TSHZ2: variants seen among roughly 807,000 people sequenced by gnomAD.
The protein encoded by TSHZ2 is teashirt zinc finger homeobox 2.
In TSHZ2, 21 loss-of-function variants were observed where a neutral mutation model predicts 74.4. The observed-to-expected ratio is 0.28, with a 90% CI of 0.20 to 0.41. The LOEUF (loss-of-function observed/expected upper bound fraction) is 0.41. Ranked by LOEUF, TSHZ2 falls within the 10% of genes least tolerant of loss-of-function variation. TSHZ2 has a pLI of 1.00. For synonymous variants in TSHZ2, 540 were observed against 515.3 expected (o/e 1.05, Z -0.65); for missense variants, 1,244 against 1,293.5 (o/e 0.96, Z 0.59).
In TSHZ2 at chr20:53,056,091, G is replaced by A. The variant is rs561332748; in HGVS notation, c.40+82758G>A. Among the ~76,000 whole-genome samples the A allele has an allele frequency of 2.0e-5, 3 of 152,302 alleles. No individual in the cohort carries two copies. In the South Asian group the frequency reaches 6.2e-4, roughly 32 times the overall value. On this transcript the variant is annotated intron_variant, in intron 1 of 2. Coordinates refer to ENST00000371497, the MANE Select transcript of TSHZ2 (RefSeq NM_173485.6). ...TTTCTGAATTCTACTCTTAGAATCT[G>A]AGCTCCTCAAGAGTTATTTTATCTA...
At chr20:53,180,086 A>G (rs370917324) in intron 1 of TSHZ2, among the ~76,000 whole-genome samples, 7 of 152,258 alleles carry the variant, frequency 4.6e-5, no homozygotes, top group African/African-American at 1.7e-4. Context: ...GAGGAGGTTC[A>G]TGTGGCATTG....
intron 2 of TSHZ2, among the ~76,000 whole-genome samples, chr20:53,404,031 G>A (rs765487216): frequency 3.9e-5 from 6 of 152,186 alleles, no homozygotes; most frequent in Non-Finnish European, 8.8e-5. Flanking sequence ...AAGATGTTGA[G>A]AGAAATGGAT....
intron 1 of TSHZ2, among the ~76,000 whole-genome samples, chr20:53,181,282 T>A (rs1192561900): frequency 6.6e-6 from 1 of 152,180 alleles, no homozygotes; most frequent in East Asian, 1.9e-4. Context: ...GACAATAGAC[T>A]CCGCAGGGAA....
chr20:53,043,367 C>T (rs1600662366), intron 1 of TSHZ2, among the ~76,000 whole-genome samples: 1 of 152,082 alleles, frequency 6.6e-6, no homozygotes, highest in Non-Finnish European at 1.5e-5. Context: ...GTGGGGTTTG[C>T]TACTGGCATC....
intron 1 of TSHZ2, among the ~76,000 whole-genome samples, chr20:53,099,607 T>A (rs1203825084): frequency 1.3e-5 from 2 of 152,204 alleles, no homozygotes; most frequent in Non-Finnish European, 2.9e-5. Flanking sequence ...TTTAATGGAC[T>A]CATAGTTCCA....
chr20:53,300,132 C>T (rs1452984505), intron 2 of TSHZ2, among the ~76,000 whole-genome samples: 1 of 152,176 alleles, frequency 6.6e-6, no homozygotes, highest in Non-Finnish European at 1.5e-5. Context: ...GTGCAGCCCC[C>T]AGCAAACCCT....
At chr20:53,476,176 T>A (rs1387338834) in intron 2 of TSHZ2, among the ~76,000 whole-genome samples, 4 of 146,926 alleles carry the variant, frequency 2.7e-5, no homozygotes, top group African/African-American at 7.7e-5. Context: ...AGCATCATTC[T>A]GATACCAAAG....
chr20:53,108,117 G>C (rs1986431568), intron 1 of TSHZ2, among the ~76,000 whole-genome samples: 1 of 152,218 alleles, frequency 6.6e-6, no homozygotes, highest in Non-Finnish European at 1.5e-5. Flanking sequence ...TTCTGGTGAT[G>C]AGACCTGAGA....
chr20:53,421,608 G>GAATGGC (rs954180929), intron 2 of TSHZ2: 2 of 202,724 alleles, frequency 9.9e-6, no homozygotes, highest in Non-Finnish European at 2.1e-5. Context: ...TTTGGGCCAG[G>GAATGGC]AATGGCAAGA....
chr20:53,011,165 G>A (rs1982836833), intron 1 of TSHZ2, among the ~76,000 whole-genome samples: 1 of 152,152 alleles, frequency 6.6e-6, no homozygotes, highest in African/African-American at 2.4e-5. Context: ...AAAGTCCTCA[G>A]ATGAGTTAAT....
chr20:53,148,042 GTGT>G (rs1987587155), intron 1 of TSHZ2, among the ~76,000 whole-genome samples: 2 of 152,292 alleles, frequency 1.3e-5, no homozygotes, highest in South Asian at 2.1e-4. Flanking sequence ...AACAAGATTT[GTGT>G]TGTTGTTACA....
chr20:53,463,970 C>T (rs78494769), intron 2 of TSHZ2, among the ~76,000 whole-genome samples: 1,634 of 152,296 alleles, frequency 0.011, 16 homozygotes, highest in African/African-American at 0.013. Flanking sequence ...CCATTATTAC[C>T]GCCATCATTG....
At chr20:53,394,874 A>AG (rs1223178090) in intron 2 of TSHZ2, among the ~76,000 whole-genome samples, 13 of 150,056 alleles carry the variant, frequency 8.7e-5, no homozygotes, top group African/African-American at 2.9e-4. Flanking sequence ...AAAAAAAAAA[A>AG]AAAAAAAAAA....
intron 1 of TSHZ2, among the ~76,000 whole-genome samples, chr20:53,159,704 A>G (rs1034938406): frequency 2.0e-5 from 3 of 150,736 alleles, no homozygotes; most frequent in Non-Finnish European, 4.4e-5. Context: ...TAAGTTTTCT[A>G]TTGTTCAAAA....
At chr20:53,097,184 C>T (rs1600687915) in intron 1 of TSHZ2, among the ~76,000 whole-genome samples, 1 of 152,122 alleles carries the variant, frequency 6.6e-6, no homozygotes, top group Non-Finnish European at 1.5e-5. Context: ...AGGGTGGGAA[C>T]AAAACTGCCT....
At chr20:53,241,195 A>G (rs1990061376) in intron 1 of TSHZ2, among the ~76,000 whole-genome samples, 1 of 152,198 alleles carries the variant, frequency 6.6e-6, no homozygotes, top group Admixed American at 6.5e-5. Context: ...GTTTTCCATT[A>G]GATTCTCCAA....
chr20:53,152,888 G>T lies in TSHZ2; in HGVS notation c.41-100611G>T, dbSNP rs116791604. Among the ~76,000 whole-genome samples, 778 of 152,264 alleles carry T rather than the reference G, an allele frequency of 5.1e-3. 7 individuals are homozygous for T. Among genetic ancestry groups the T allele is most frequent in the African/African-American group, 0.018 (738 of 41,544 alleles). ...ATAACATGGTGTGATGCTACCAGGG[G>T]CTTTGAGGACCCAGAGAAGAATTGC... is the stretch of plus-strand genomic sequence containing the variant. On this transcript the variant is annotated intron_variant, in intron 1 of 2. Transcript: ENST00000371497.
At chr20:53,175,254 C>T (rs1269978410) in intron 1 of TSHZ2, among the ~76,000 whole-genome samples, 1 of 150,680 alleles carries the variant, frequency 6.6e-6, no homozygotes, top group Non-Finnish European at 1.5e-5. Flanking sequence ...CAATTGCCTG[C>T]CTCAGCCTCC....
intron 2 of TSHZ2, among the ~76,000 whole-genome samples, chr20:53,428,112 G>T (rs978186895): frequency 3.3e-5 from 5 of 152,182 alleles, no homozygotes; most frequent in Admixed American, 1.3e-4. Context: ...CTGATTCCAG[G>T]AATGAGAAGT....
Sources: gnomAD v4.1 joint callset for allele counts (sites outside exome capture counted in the v4.1 genomes callset) on GRCh38, gnomAD v4.1.1 for gene constraint, MANE v1.5 for transcripts, NCBI Gene and HGNC (gene_info 2026-07-23, HGNC 2026-07-21) for gene names.